Variants in WDR64 observed in about 807,000 individuals in gnomAD.
The protein encoded by WDR64 is WD repeat domain 64.
In WDR64, 112 loss-of-function variants were observed where a neutral mutation model predicts 139.3. That is an observed-to-expected ratio of 0.80 (90% CI 0.69 to 0.94). The LOEUF (loss-of-function observed/expected upper bound fraction) is 0.94, where lower values mean the gene tolerates loss of function less well. WDR64 is among the 40% of genes least tolerant of loss of function. The probability of loss-of-function intolerance (pLI) is 0.00; values close to 1 mark genes in which losing one functional copy is unlikely to be tolerated. For synonymous variants in WDR64, 444 were observed against 437.7 expected, an observed-to-expected ratio of 1.01 and a Z score of -0.18; for missense variants, 1,206 against 1,293.1, an observed-to-expected ratio of 0.93 and a Z score of 1.03.
intron 8 of WDR64, among the ~76,000 whole-genome samples, chr1:241,707,669 C>T (rs888054016): frequency 2.0e-5 from 3 of 151,906 alleles, no homozygotes; most frequent in African/African-American, 4.9e-5. Context: ...GGGACCACTG[C>T]GATAGGCTGT....
intron 8 of WDR64, among the ~76,000 whole-genome samples, chr1:241,691,541 A>C (rs1574012325): frequency 6.6e-6 from 1 of 152,260 alleles, no homozygotes; most frequent in African/African-American, 2.4e-5. Flanking sequence ...CAAAGTAGGA[A>C]TAGAGGGAAC....
Position 241,796,335 on chromosome 1 carries a change from G to A in WDR64, c.3157G>A (p.Gly1053Arg), listed in dbSNP as rs1659363441. Residue 1053 changes from glycine (G) to arginine (R), a missense_variant, in exon 27 of 28, where the codon GGA (glycine) becomes AGA (arginine). Coordinates refer to ENST00000437684, the MANE Select transcript of WDR64 (RefSeq NM_001367482.1). The part of the protein sequence containing the change: ...AQKDSSDGIT[G>R]KKKGGHVQRE... ...AAAGGACTCTTCAGATGGCATTACA[G>A]GAAAGAAGAAGGGAGGTCATGTTCA... The A allele has an allele frequency of 1.2e-6, 2 of 1,613,598 alleles. No individual in the cohort carries two copies. Among genetic ancestry groups the A allele is most frequent in the South Asian group, 1.1e-5 (1 of 91,012 alleles).
rs757773237 is a variant in WDR64 at position 241,796,337 on chromosome 1, AAAG to A, written c.3166_3168del (p.Lys1056del). Reference sequence around the variant, plus strand: ...AGGACTCTTCAGATGGCATTACAGGAAAGAAGAAGGGAGGTCATGTTCAACGTG... The same window carrying A: ...AGGACTCTTCAGATGGCATTACAGGAAAGAAGGGAGGTCATGTTCAACGTG... On this transcript the variant is annotated inframe_deletion, in exon 27 of 28. Transcript: ENST00000437684. 5.8e-5 allele frequency: 94 copies of A among 1,613,700 alleles called. No individual in the cohort carries two copies. Among genetic ancestry groups the A allele is most frequent in the Non-Finnish European group, 6.7e-5 (79 of 1,179,828 alleles).
At chr1:241,757,748 C>T (rs1011896345) in intron 15 of WDR64, among the ~76,000 whole-genome samples, 4 of 149,114 alleles carry the variant, frequency 2.7e-5, no homozygotes, top group East Asian at 2.0e-4. Flanking sequence ...CCCCCCAGAA[C>T]GCTGGAATTA....
At chr1:241,707,365 G>A (rs1667991439) in intron 8 of WDR64, among the ~76,000 whole-genome samples, 1 of 152,168 alleles carries the variant, frequency 6.6e-6, no homozygotes, top group South Asian at 2.1e-4. Context: ...TACACTTAGA[G>A]TCAACTGTCC....
rs945323064 is a variant in WDR64 at position 241,749,700 on chromosome 1, A to G, written c.1748A>G (p.Asn583Ser). 1 of 1,614,022 alleles carries G rather than the reference A, an allele frequency of 6.2e-7. No homozygotes were observed. Among genetic ancestry groups the G allele is most frequent in the Non-Finnish European group, 8.5e-7 (1 of 1,179,952 alleles). The stretch of plus-strand genomic sequence containing the variant: ...CAGCTGGTCCTGGCCTTGGAGCGCA[A>G]CGGGACTATCAAAATGATCCAGGTT... ...HQQLVLALERNGTIKMIQGKE... is the reference protein window; with the variant it reads ...HQQLVLALERSGTIKMIQGKE... Residue 583 changes from asparagine to serine, a missense_variant, in exon 14 of 28, where the codon AAC (asparagine) becomes AGC (serine). By Grantham distance (46) the Asn-to-Ser change is conservative (BLOSUM62 1). Coordinates refer to ENST00000437684, the MANE Select transcript of WDR64 (RefSeq NM_001367482.1).
chr1:241,672,659 C>G (rs961825966), intron 3 of WDR64, among the ~76,000 whole-genome samples: 2 of 152,066 alleles, frequency 1.3e-5, no homozygotes, highest in African/African-American at 4.8e-5. Context: ...GTAATACACA[C>G]TATAGGACAA....
At chr1:241,779,427 G>A (rs1025666561) in intron 21 of WDR64, among the ~76,000 whole-genome samples, 9 of 152,144 alleles carry the variant, frequency 5.9e-5, no homozygotes, top group Admixed American at 2.0e-4. Flanking sequence ...ACTCTGTTTG[G>A]TGGTATATTC....
intron 4 of WDR64, chr1:241,676,414 A>G (rs1475255711): frequency 6.6e-6 from 1 of 152,200 alleles, no homozygotes; most frequent in Non-Finnish European, 1.5e-5. Flanking sequence ...ACAAAAATGA[A>G]TTTGCCTCAT....
At chr1:241,702,462 T>C (rs1026727446) in intron 8 of WDR64, among the ~76,000 whole-genome samples, 1 of 151,666 alleles carries the variant, frequency 6.6e-6, no homozygotes, top group African/African-American at 2.4e-5. Flanking sequence ...CACAAAGTAC[T>C]CAATAAATGT....
intron 3 of WDR64, among the ~76,000 whole-genome samples, chr1:241,673,834 C>T (rs1666345439): frequency 6.6e-6 from 1 of 150,560 alleles, no homozygotes; most frequent in African/African-American, 2.4e-5. Flanking sequence ...CTTTTTTTTT[C>T]AAAATGCACA....
chr1:241,725,935 G>A (rs897764831), intron 10 of WDR64, among the ~76,000 whole-genome samples: 4 of 152,052 alleles, frequency 2.6e-5, no homozygotes, highest in Non-Finnish European at 4.4e-5. Flanking sequence ...CTGCTGTCTT[G>A]ACCTACTGGG....
At chr1:241,655,190 C>T (rs1414921035) in intron 1 of WDR64, among the ~76,000 whole-genome samples, 1 of 152,158 alleles carries the variant, frequency 6.6e-6, no homozygotes, top group Admixed American at 6.5e-5. Context: ...CAAGACCAGC[C>T]TTGCCAACAT....
chr1:241,687,717 A>T, intron 8 of WDR64, 122 bp downstream of exon 8: 2 of 1,021,334 alleles, frequency 2.0e-6, no homozygotes, highest in East Asian at 2.5e-5. Flanking sequence ...TAACTATTCC[A>T]TTTGTTTGGG....
chr1:241,787,446 C>T (rs945217507), intron 23 of WDR64, among the ~76,000 whole-genome samples: 1 of 151,530 alleles, frequency 6.6e-6, no homozygotes, highest in Non-Finnish European at 1.5e-5. Flanking sequence ...GGGCAGATCA[C>T]ATAAGGTCAG....
intron 8 of WDR64, among the ~76,000 whole-genome samples, chr1:241,692,284 A>G: frequency 6.6e-6 from 1 of 152,230 alleles, no homozygotes; most frequent in Non-Finnish European, 1.5e-5. Context: ...TTATTTTGTG[A>G]ATCTTGACAA....
intron 8 of WDR64, among the ~76,000 whole-genome samples, chr1:241,707,549 A>C (rs1574028527): frequency 6.6e-6 from 1 of 152,120 alleles, no homozygotes; most frequent in Non-Finnish European, 1.5e-5. Flanking sequence ...ATCTCTCACC[A>C]CCCACCAGCC....
At chr1:241,721,551 TAATTA>T (rs568456048) in intron 9 of WDR64, among the ~76,000 whole-genome samples, 191 of 152,212 alleles carry the variant, frequency 1.3e-3, no homozygotes, top group Non-Finnish European at 1.9e-3. Context: ...CACATTTAAA[TAATTA>T]AATTAAATCA....
intron 10 of WDR64, among the ~76,000 whole-genome samples, chr1:241,731,901 C>G (rs1669094331): frequency 1.3e-5 from 2 of 152,138 alleles, no homozygotes; most frequent in Admixed American, 1.3e-4. Context: ...ATTTCCTAAA[C>G]AGTGTTGAGT....
Sources: allele counts gnomAD v4.1 joint callset (sites outside exome capture counted in the v4.1 genomes callset), GRCh38; gene constraint gnomAD v4.1.1; transcripts MANE v1.5; gene names NCBI Gene and HGNC (gene_info 2026-07-23, HGNC 2026-07-21).